The following PCDH15 variants were observed in gnomAD, a reference collection of about 807,000 sequenced individuals.
PCDH15 encodes the protein protocadherin-15.
PCDH15 carries 129 observed loss-of-function variants against 178.5 expected under a neutral mutation model. The observed-to-expected ratio is 0.72, with a 90% CI of 0.63 to 0.84. The LOEUF (loss-of-function observed/expected upper bound fraction) is 0.84. PCDH15 is among the 40% of genes least tolerant of loss of function. The probability of loss-of-function intolerance (pLI) is 0.00; values close to 1 mark genes in which losing one functional copy is unlikely to be tolerated. For missense variants in PCDH15, 2,230 were observed against 2,099.9 expected, an observed-to-expected ratio of 1.06 and a Z score of -1.21; for synonymous variants, 800 against 732.0, an observed-to-expected ratio of 1.09 and a Z score of -1.50.
intron 2 of PCDH15, among the ~76,000 whole-genome samples, chr10:54,580,194 G>T (rs1237950062): frequency 6.6e-6 from 1 of 151,992 alleles, no homozygotes; most frequent in Non-Finnish European, 1.5e-5. Flanking sequence ...TTGGGACTTT[G>T]AAAGCATAAA....
At chr10:54,695,270 G>A (rs1395830258) in intron 1 of PCDH15, among the ~76,000 whole-genome samples, 1 of 152,060 alleles carries the variant, frequency 6.6e-6, no homozygotes, top group Non-Finnish European at 1.5e-5. Flanking sequence ...TACTGGTTTG[G>A]ATAGAAAATC....
chr10:55,542,402 T>G (rs1052823307), intron 2 of PCDH15, among the ~76,000 whole-genome samples: 1 of 151,084 alleles, frequency 6.6e-6, no homozygotes, highest in Non-Finnish European at 1.5e-5. Context: ...CATGGATACA[T>G]ATGTATATGT....
At chr10:55,093,822 C>G (rs889890044) in intron 2 of PCDH15, among the ~76,000 whole-genome samples, 3 of 152,014 alleles carry the variant, frequency 2.0e-5, no homozygotes, top group Admixed American at 2.0e-4. Flanking sequence ...CAGAGAAATG[C>G]AAATCAAAAC....
chr10:54,043,439 G>C (rs1321210260), intron 18 of PCDH15, among the ~76,000 whole-genome samples: 1 of 151,528 alleles, frequency 6.6e-6, no homozygotes, highest in African/African-American at 2.4e-5. Flanking sequence ...CATTTCCCAG[G>C]CTGGAGTGCA....
chr10:55,323,740 C>A (rs192430211), upstream of PCDH15, among the ~76,000 whole-genome samples: 2 of 152,232 alleles, frequency 1.3e-5, no homozygotes, highest in African/African-American at 2.4e-5. Flanking sequence ...GCAGAAGGGA[C>A]TTTTCTCAGA....
intron 2 of PCDH15, among the ~76,000 whole-genome samples, chr10:54,915,565 G>T (rs1954887880): frequency 1.3e-5 from 2 of 152,094 alleles, no homozygotes; most frequent in Non-Finnish European, 2.9e-5. Flanking sequence ...TTTCCATCTT[G>T]ATAGGGGTGA....
intron 23 of PCDH15, among the ~76,000 whole-genome samples, chr10:53,957,400 GA>G (rs2087723506): frequency 6.6e-6 from 1 of 151,898 alleles, no homozygotes; most frequent in African/African-American, 2.4e-5. Context: ...TTCCAAAACA[GA>G]AAACTGTGCA....
At chr10:54,316,450 C>T (rs1168112869) in intron 8 of PCDH15, among the ~76,000 whole-genome samples, 1 of 151,784 alleles carries the variant, frequency 6.6e-6, no homozygotes, top group African/African-American at 2.4e-5. Flanking sequence ...GAGCTGATTG[C>T]TTTCCAGGGA....
intron 15 of PCDH15, among the ~76,000 whole-genome samples, chr10:54,123,900 A>C (rs2041773518): frequency 6.6e-6 from 1 of 152,194 alleles, no homozygotes; most frequent in Non-Finnish European, 1.5e-5. Context: ...TAACACAGAA[A>C]TAGAACAACA....
intron 8 of PCDH15, among the ~76,000 whole-genome samples, chr10:54,245,478 T>C (rs974644658): frequency 2.0e-5 from 3 of 152,132 alleles, no homozygotes; most frequent in Non-Finnish European, 4.4e-5. Flanking sequence ...CTTTGGAAGA[T>C]TGCCAGATAA....
intron 1 of PCDH15, among the ~76,000 whole-genome samples, chr10:54,720,880 G>A (rs1165723944): frequency 6.6e-6 from 1 of 151,964 alleles, no homozygotes; most frequent in Non-Finnish European, 1.5e-5. Context: ...CTGGACTATA[G>A]ACCAAGTAGA....
intron 1 of PCDH15, among the ~76,000 whole-genome samples, chr10:55,174,922 A>G (rs2132127308): frequency 6.6e-6 from 1 of 152,322 alleles, no homozygotes; most frequent in East Asian, 1.9e-4. Context: ...CCTGGCAGGT[A>G]TATAGCAGCT....
intron 2 of PCDH15, among the ~76,000 whole-genome samples, chr10:55,429,939 T>C: frequency 6.6e-6 from 1 of 152,204 alleles, no homozygotes. Context: ...AAATCAACCT[T>C]TTCTATGATG....
chr10:55,188,974 G>GA (rs1839872879), intron 1 of PCDH15, among the ~76,000 whole-genome samples: 1 of 151,778 alleles, frequency 6.6e-6, no homozygotes, highest in Non-Finnish European at 1.5e-5. Flanking sequence ...ATAAAAAAGA[G>GA]AAAAATAATT....
chr10:54,037,592 T>G (rs1297353660), intron 18 of PCDH15, among the ~76,000 whole-genome samples: 1 of 151,984 alleles, frequency 6.6e-6, no homozygotes, highest in Non-Finnish European at 1.5e-5. Context: ...GAGTATAGTA[T>G]AGTGTAAAAA....
chr10:54,345,201 T>A (rs1943042909), intron 6 of PCDH15, among the ~76,000 whole-genome samples: 1 of 151,928 alleles, frequency 6.6e-6, no homozygotes, highest in African/African-American at 2.4e-5. Flanking sequence ...AATGAGAAAA[T>A]GCATCCACAA....
chr10:54,574,765 A>G (rs10430479), intron 2 of PCDH15, among the ~76,000 whole-genome samples: 138,406 of 147,990 alleles, frequency 0.94, 64,998 homozygotes, highest in Middle Eastern at 0.98. Flanking sequence ...GTCTAGAACT[A>G]GAAATACCAT....
intron 2 of PCDH15, among the ~76,000 whole-genome samples, chr10:54,941,855 G>T (rs1428811902): frequency 6.6e-6 from 1 of 151,916 alleles, no homozygotes; most frequent in Admixed American, 6.6e-5. Flanking sequence ...ATCTTCAAAT[G>T]ATTCAGCCTT....
chr10:54,215,594 T>C (rs1204336616), intron 9 of PCDH15, among the ~76,000 whole-genome samples: 1 of 152,118 alleles, frequency 6.6e-6, no homozygotes, highest in Non-Finnish European at 1.5e-5. Context: ...AATTTTACTC[T>C]AATGTGAGAG....
Sources: gnomAD v4.1 joint callset for allele counts (sites outside exome capture counted in the v4.1 genomes callset) on GRCh38, gnomAD v4.1.1 for gene constraint, MANE v1.5 for transcripts, NCBI Gene and HGNC (gene_info 2026-07-23, HGNC 2026-07-21) for gene names.